ATRN: variants seen among roughly 807,000 people sequenced by gnomAD.
ATRN encodes attractin.
Under a neutral mutation model 178.7 loss-of-function variants are expected in ATRN, and 54 were observed. The observed-to-expected ratio is 0.30, with a 90% CI of 0.24 to 0.38. The LOEUF (loss-of-function observed/expected upper bound fraction) is 0.38. ATRN is among the 10% of genes least tolerant of loss of function. The pLI, the probability that ATRN is intolerant of heterozygous loss-of-function variation, is 1.00. For synonymous variants in ATRN, 636 were observed against 663.0 expected (o/e 0.96, Z 0.63); for missense variants, 1,443 against 1,815.1 (o/e 0.79, Z 3.73).
Position 3,471,181 on chromosome 20 carries a change from G to A in ATRN, c.74G>A (p.Arg25Lys). Residue 25 changes from arginine to lysine, a missense_variant, in exon 1 of 29, where the codon AGG becomes AAG. Arg to Lys is a conservative substitution (Grantham distance 26, BLOSUM62 2). This residue lies in a region of ATRN where 862 missense variants were observed against 972.1 expected (regional missense o/e 0.89). Coordinates refer to ENST00000262919, the MANE Select transcript of ATRN (RefSeq NM_139321.3). ...RTAATAALAG[R>K]SGGPHWDWDV... is the part of the protein sequence containing the mutation. ...GCGGCGACGGCAGCGCTCGCGGGCA[G>A]GAGCGGCGGGCCGCACTGGGACTGG... is the stretch of plus-strand genomic sequence containing the variant. The A allele has an allele frequency of 6.7e-7, 1 of 1,503,010 alleles. No individual in the cohort carries two copies. Among genetic ancestry groups the A allele is most frequent in the Non-Finnish European group, 8.8e-7 (1 of 1,132,888 alleles). The allele number at this position is 1,503,010 out of a possible 1,614,324, so 93.1% of individuals were successfully genotyped here. A position where few individuals can be genotyped will look rare whatever the true frequency, so the allele number is the denominator to read the frequency against.
chr20:3,614,076 C>A (rs1345562271), intron 24 of ATRN, among the ~76,000 whole-genome samples: 2 of 152,160 alleles, frequency 1.3e-5, no homozygotes, highest in African/African-American at 2.4e-5. Context: ...CTATAAAAAT[C>A]TTTGTAGATG....
intron 5 of ATRN, among the ~76,000 whole-genome samples, chr20:3,548,000 T>C (rs2085733276): frequency 6.6e-6 from 1 of 152,210 alleles, no homozygotes; most frequent in Admixed American, 6.5e-5. Context: ...CTCAGAACCT[T>C]TTTACTTTGA....
intron 1 of ATRN, among the ~76,000 whole-genome samples, chr20:3,520,904 C>A (rs1235597443): frequency 2.0e-5 from 3 of 152,168 alleles, no homozygotes; most frequent in Non-Finnish European, 4.4e-5. Context: ...ATATTTAGGT[C>A]ATCTACTAAA....
At chr20:3,594,437 T>C (rs773282028) in intron 19 of ATRN, 42 bp from the exon 20 acceptor site, 5 of 1,525,456 alleles carry the variant, frequency 3.3e-6, no homozygotes, top group Non-Finnish European at 4.5e-6. Flanking sequence ...GTCAGAATTT[T>C]TTAAGCCAGT....
chr20:3,569,349 T>C (rs1365898718), intron 11 of ATRN, among the ~76,000 whole-genome samples: 1 of 152,182 alleles, frequency 6.6e-6, no homozygotes, highest in Non-Finnish European at 1.5e-5. Context: ...GTTACTATAC[T>C]CAATACTGTA....
intron 6 of ATRN, among the ~76,000 whole-genome samples, chr20:3,551,647 TTCTC>T (rs1235739655): frequency 6.6e-6 from 1 of 152,148 alleles, no homozygotes; most frequent in African/African-American, 2.4e-5. Context: ...CATTGATTCT[TTCTC>T]TCTCCCTCTC....
chr20:3,527,862 G>A (rs1285520115), intron 1 of ATRN, among the ~76,000 whole-genome samples: 1 of 135,342 alleles, frequency 7.4e-6, no homozygotes, highest in Non-Finnish European at 1.5e-5. Flanking sequence ...AGTGGGAGTT[G>A]AACAGTTAGA....
intron 1 of ATRN, chr20:3,491,053 G>A: frequency 2.1e-6 from 2 of 949,026 alleles, no homozygotes; most frequent in Non-Finnish European, 3.3e-6. Flanking sequence ...TTAGTTGTTT[G>A]CTGCTGGTTA....
chr20:3,501,079 G>A (rs2146108015), intron 1 of ATRN, among the ~76,000 whole-genome samples: 1 of 152,142 alleles, frequency 6.6e-6, no homozygotes, highest in South Asian at 2.1e-4. Flanking sequence ...CAAAAATATT[G>A]TAAACTGTTT....
intron 1 of ATRN, among the ~76,000 whole-genome samples, chr20:3,498,168 T>A (rs900636549): frequency 2.0e-5 from 3 of 152,046 alleles, no homozygotes; most frequent in African/African-American, 7.3e-5. Context: ...AATAACAGGA[T>A]CTGAAATTGT....
intron 28 of ATRN, 124 bp downstream of exon 28, chr20:3,644,392 T>TG: frequency 1.2e-6 from 1 of 806,788 alleles, no homozygotes. Flanking sequence ...GCCCATGCCA[T>TG]GGCAAGGATT....
At chr20:3,473,059 A>T (rs935486431) in intron 1 of ATRN, among the ~76,000 whole-genome samples, 2 of 152,152 alleles carry the variant, frequency 1.3e-5, no homozygotes, top group African/African-American at 4.8e-5. Flanking sequence ...CTGCTTTTGT[A>T]ACTTAGGGTG....
Position 3,563,205 on chromosome 20 carries a change from A to T in ATRN, c.1632-4A>T. 1 of 1,605,984 alleles carries T rather than the reference A, an allele frequency of 6.2e-7. No homozygotes were observed. The highest frequency in any genetic ancestry group is 8.5e-7 in the Non-Finnish European group (1 of 1,175,360). Reference sequence around the variant, plus strand: ...TATTTATTATTTCTAAATAAACTCAAAAGGACCATTCTTAAGGACAGCCGA... The same window carrying T: ...TATTTATTATTTCTAAATAAACTCATAAGGACCATTCTTAAGGACAGCCGA... On this transcript the variant is annotated splice_polypyrimidine_tract_variant and splice_region_variant and intron_variant, in intron 9 of 28. Coordinates refer to ENST00000262919, the MANE Select transcript of ATRN (RefSeq NM_139321.3).
chr20:3,574,348 C>T (rs903234076), intron 12 of ATRN, among the ~76,000 whole-genome samples: 2 of 152,108 alleles, frequency 1.3e-5, no homozygotes, highest in Admixed American at 6.6e-5. Flanking sequence ...CCTGTCTCTA[C>T]CAAAAACACA....
At position 3,572,717 on chromosome 20, in the gene ATRN, CT is replaced by C; in HGVS notation, c.1872-9del. 1 of 1,604,434 alleles carries C rather than the reference CT, an allele frequency of 6.2e-7. No individual in the cohort carries two copies. Among genetic ancestry groups the C allele is most frequent in the Non-Finnish European group, 8.5e-7 (1 of 1,173,762 alleles). ...AGTCTCTAGTAAATTTCTTCTCTCC[CT>C]TTTTCCTCTTAGCACCATGTATGTG... On this transcript the variant is annotated splice_polypyrimidine_tract_variant and intron_variant, in intron 11 of 28. Transcript: ENST00000262919.
At chr20:3,639,576 A>T (rs959480081) in intron 27 of ATRN, among the ~76,000 whole-genome samples, 1 of 151,980 alleles carries the variant, frequency 6.6e-6, no homozygotes, top group Non-Finnish European at 1.5e-5. Context: ...ATTTTGGGGA[A>T]TTTTTTAAGC....
At chr20:3,472,752 T>G (rs775625024) in intron 1 of ATRN, among the ~76,000 whole-genome samples, 1 of 152,130 alleles carries the variant, frequency 6.6e-6, no homozygotes. Flanking sequence ...AGGAGGACTT[T>G]GAGGAGGCGG....
At chr20:3,576,180 C>G (rs1456935839) in intron 13 of ATRN, among the ~76,000 whole-genome samples, 2 of 152,146 alleles carry the variant, frequency 1.3e-5, no homozygotes, top group East Asian at 1.9e-4. Flanking sequence ...GGACTGTTGT[C>G]CCTGGGCATG....
chr20:3,584,517 C>G (rs1568745670), intron 17 of ATRN, 130 bp from the exon 18 acceptor site: 3 of 706,720 alleles, frequency 4.2e-6, no homozygotes, highest in Non-Finnish European at 4.6e-6. Flanking sequence ...CATTCATTAT[C>G]TCTTTTAAAT....
Sources: allele counts gnomAD v4.1 joint callset (sites outside exome capture counted in the v4.1 genomes callset), GRCh38; gene constraint gnomAD v4.1.1; regional missense constraint gnomAD v4.1.1; transcripts MANE v1.5; gene names NCBI Gene and HGNC (gene_info 2026-07-23, HGNC 2026-07-21).